Variants in RSAD2 observed in about 807,000 individuals in gnomAD.
The protein encoded by RSAD2 is S-adenosylmethionine-dependent nucleotide dehydratase RSAD2.
Under a neutral mutation model 37.7 loss-of-function variants are expected in RSAD2, and 38 were observed. The observed-to-expected ratio is 1.01, with a 90% CI of 0.78 to 1.32. The LOEUF is 1.32. Ranked by LOEUF, RSAD2 falls within the 40% of genes most tolerant of loss-of-function variation. The probability of loss-of-function intolerance (pLI) is 0.00; values close to 1 mark genes in which losing one functional copy is unlikely to be tolerated. For missense variants in RSAD2, 428 were observed against 437.5 expected (o/e 0.98, Z 0.19); for synonymous variants, 163 against 157.4 (o/e 1.04, Z -0.27).
chr2:6,887,885 G>A (rs1380341702), intron 3 of RSAD2, among the ~76,000 whole-genome samples: 1 of 152,218 alleles, frequency 6.6e-6, no homozygotes, highest in Non-Finnish European at 1.5e-5. Context: ...CAGGTGCAAT[G>A]AAAGATAAGA....
intron 1 of RSAD2, among the ~76,000 whole-genome samples, chr2:6,878,563 C>T (rs546613151): frequency 1.3e-5 from 2 of 152,242 alleles, no homozygotes; most frequent in Admixed American, 1.3e-4. Context: ...AAGTTGGAAA[C>T]AAAAACAAAA....
chr2:6,884,551 A>G (rs896600773), intron 2 of RSAD2, among the ~76,000 whole-genome samples: 15 of 152,198 alleles, frequency 9.9e-5, no homozygotes, highest in Admixed American at 2.0e-4. Flanking sequence ...TACCCAGCCA[A>G]TGCCCTTCCT....
chr2:6,869,387 GA>G (rs60984834), intron 1 of RSAD2, among the ~76,000 whole-genome samples: 150,758 of 151,790 alleles, frequency 0.99, 74,874 homozygotes, highest in Middle Eastern at 1. Flanking sequence ...CTCATGAAAA[GA>G]AAAAAAAAAT....
intron 3 of RSAD2, 138 bp downstream of exon 3, chr2:6,887,302 C>G: frequency 1.6e-6 from 1 of 627,232 alleles, no homozygotes; most frequent in Non-Finnish European, 2.8e-6. Context: ...GGTCCTTGGT[C>G]TTTCAGCTCT....
exon 1 of RSAD2, chr2:6,865,892 C>G (rs1317836738): frequency 7.1e-7 from 1 of 1,409,682 alleles, no homozygotes; most frequent in Non-Finnish European, 9.2e-7. Flanking sequence ...GGCCTCTCCT[C>G]CTCGCCGCGA....
chr2:6,885,796 CT>C (rs2103244868), intron 2 of RSAD2, among the ~76,000 whole-genome samples: 1 of 152,286 alleles, frequency 6.6e-6, no homozygotes, highest in Admixed American at 6.5e-5. Context: ...AATTTCTGGT[CT>C]GTTTGGAGAT....
chr2:6,877,771 G>A (rs1196907951), upstream of RSAD2: 5 of 1,566,264 alleles, frequency 3.2e-6, no homozygotes, highest in Admixed American at 5.3e-5. Context: ...CTGGCATACA[G>A]AGACTGCTCT....
upstream of RSAD2, chr2:6,876,783 C>G (rs568468550): frequency 6.6e-6 from 1 of 152,274 alleles, no homozygotes; most frequent in South Asian, 2.1e-4. Context: ...AGGCACTATT[C>G]TGAATTCTTC....
At chr2:6,888,002 C>T (rs1006307482) in intron 3 of RSAD2, among the ~76,000 whole-genome samples, 1 of 152,172 alleles carries the variant, frequency 6.6e-6, no homozygotes, top group Non-Finnish European at 1.5e-5. Flanking sequence ...ACAGGCTGAG[C>T]TTAAGTGGAA....
At chr2:6,888,741 T>G (rs868617765) in intron 3 of RSAD2, among the ~76,000 whole-genome samples, 15 of 152,340 alleles carry the variant, frequency 9.8e-5, no homozygotes, top group Non-Finnish European at 1.5e-4. Context: ...TTCTGCCTGT[T>G]TGGAAAACCA....
intron 5 of RSAD2, among the ~76,000 whole-genome samples, chr2:6,894,093 T>C (rs911367317): frequency 2.0e-4 from 30 of 152,212 alleles, no homozygotes; most frequent in African/African-American, 7.2e-4. Flanking sequence ...AGGAAGGCCA[T>C]ATCACTCTTC....
intron 4 of RSAD2, among the ~76,000 whole-genome samples, chr2:6,892,472 T>C (rs1663653657): frequency 6.6e-6 from 1 of 152,238 alleles, no homozygotes; most frequent in Non-Finnish European, 1.5e-5. Context: ...GTTAACCCTT[T>C]GACTCATTGC....
At chr2:6,868,773 G>C (rs910158214) in intron 1 of RSAD2, among the ~76,000 whole-genome samples, 3 of 152,230 alleles carry the variant, frequency 2.0e-5, no homozygotes, top group East Asian at 3.8e-4. Context: ...TTTGAGGGAA[G>C]AGTTGCCATA....
intron 1 of RSAD2, among the ~76,000 whole-genome samples, chr2:6,880,349 A>T (rs971087644): frequency 2.6e-5 from 4 of 152,144 alleles, no homozygotes; most frequent in African/African-American, 9.7e-5. Flanking sequence ...AAGAGTTTTA[A>T]GGATTTGGCG....
rs1277684383 is a variant in RSAD2 at position 6,897,475 on chromosome 2, AT to A, written c.*1534del. The A allele has an allele frequency of 7.2e-5, 11 of 152,318 alleles. No homozygotes were observed. Among genetic ancestry groups the A allele is most frequent in the African/African-American group, 1.2e-4 (5 of 41,558 alleles). 9.4% of individuals were successfully genotyped at this position (152,318 alleles called of 1,614,324 possible). ...GTGACTTTGTTTCTCAGGAAAAAAA[AT>A]ATTCCTACTTAAATTTTAAGTCTAT... On this transcript the variant is annotated 3_prime_UTR_variant, in exon 6 of 6. Coordinates refer to ENST00000382040, the MANE Select transcript of RSAD2 (RefSeq NM_080657.5).
At chr2:6,866,128 G>GGA (rs1387021185) in intron 1 of RSAD2, 2 of 217,508 alleles carry the variant, frequency 9.2e-6, no homozygotes, top group African/African-American at 4.7e-5. Context: ...CCGGGTGCAT[G>GGA]GAGGGGGGCG....
intron 1 of RSAD2, chr2:6,878,857 C>T: frequency 2.4e-6 from 3 of 1,228,052 alleles, no homozygotes; most frequent in Non-Finnish European, 3.2e-6. Context: ...ACATCTCTAG[C>T]TTCTTTCCCT....
Position 6,886,932 on chromosome 2 carries a change from C to T in RSAD2, c.509-3C>T, listed in dbSNP as rs775562018. ...AAGTTTAAACATGATCATTTTCCCT[C>T]AGGTGAGTATTTGGACATTCTCGCT... On this transcript the variant is annotated splice_polypyrimidine_tract_variant and splice_region_variant and intron_variant, in intron 2 of 5. Transcript: ENST00000382040. 6 of 1,610,738 alleles carry T rather than the reference C, an allele frequency of 3.7e-6. No homozygotes were observed. The South Asian group carries it at 5.5e-5, about 15-fold the overall frequency.
chr2:6,890,058 C>A, intron 3 of RSAD2, 118 bp from the exon 4 acceptor site: 1 of 902,640 alleles, frequency 1.1e-6, no homozygotes, highest in Non-Finnish European at 1.7e-6. Flanking sequence ...CTAGAATGTT[C>A]CTCAGCTCGT....
Sources: gnomAD v4.1 joint callset for allele counts (sites outside exome capture counted in the v4.1 genomes callset) on GRCh38, gnomAD v4.1.1 for gene constraint, MANE v1.5 for transcripts, NCBI Gene and HGNC (gene_info 2026-07-23, HGNC 2026-07-21) for gene names.